Variants in IL2RA observed in about 807,000 individuals in gnomAD.
IL2RA encodes the protein interleukin-2 receptor subunit alpha.
In IL2RA, 24 loss-of-function variants were observed where a neutral mutation model predicts 37.8. That is an observed-to-expected ratio of 0.63 (90% CI 0.46 to 0.89). The LOEUF (loss-of-function observed/expected upper bound fraction) is 0.89. Ranked by LOEUF, IL2RA falls within the 40% of genes least tolerant of loss-of-function variation. The pLI is 0.00. For synonymous variants in IL2RA, 125 were observed against 114.6 expected, an observed-to-expected ratio of 1.09 and a Z score of -0.58; for missense variants, 319 against 348.6, an observed-to-expected ratio of 0.92 and a Z score of 0.68.
chr10:6,036,343 C>G lies in IL2RA; in HGVS notation c.65-10318G>C, dbSNP rs1055338074. On this transcript the variant is annotated intron_variant, in intron 1 of 7. Transcript: ENST00000379959. This position sits in a 1 kb window ranked among gnomAD's most constrained non-coding sequence, Gnocchi z 6.1. ...GTGTTCGACTCCACTCTCAGTCACTCGTCACTCTTCCCAGAAGGACAAATG... is the reference window on the plus strand; with the variant it reads ...GTGTTCGACTCCACTCTCAGTCACTGGTCACTCTTCCCAGAAGGACAAATG... 6.6e-6 allele frequency: 1 copy of G among 152,168 alleles called. No individual in the cohort carries two copies. Among genetic ancestry groups the G allele is most frequent in the Non-Finnish European group, 1.5e-5 (1 of 68,034 alleles). 9.4% of individuals were successfully genotyped at this position (152,168 alleles called of 1,614,324 possible).
At chr10:6,049,903 T>G (rs1287623827) in intron 1 of IL2RA, among the ~76,000 whole-genome samples, 3 of 152,182 alleles carry the variant, frequency 2.0e-5, no homozygotes, top group African/African-American at 7.2e-5. Context: ...GGAAGATTGT[T>G]CCAGTAAGGG....
rs756444069 is a variant in IL2RA, at chr10:6,025,869, G to A, written c.221C>T (p.Ser74Leu). 9.4e-5 allele frequency: 151 copies of A among 1,614,086 alleles called. 4 individuals are homozygous for A. The South Asian group carries it at 1.2e-3, about 13-fold the overall frequency. ...GCATTGACATTGGTTGTCCCAGGAC[G>A]AGTGGCTAGAGTTTCCTGTACAGAG... ...YMLCTGNSSH[S>L]SWDNQCQCTS... Residue 74 changes from serine to leucine, a missense_variant, in exon 2 of 8, where the codon TCG becomes TTG. Transcript: ENST00000379959. The surrounding 1 kb of genome is among the most constrained non-coding windows in gnomAD (Gnocchi z 4.4).
At chr10:6,019,536 C>G (rs28360489) in intron 5 of IL2RA, 37 bp from the exon 6 acceptor site, 121 of 1,500,724 alleles carry the variant, frequency 8.1e-5, no homozygotes, top group Non-Finnish European at 1.1e-4. Flanking sequence ...CTCCTGCTAC[C>G]GTGACTTTAG....
At position 6,028,641 on chromosome 10, in the gene IL2RA, A is replaced by G. The variant is rs1839520756; in HGVS notation, c.65-2616T>C. The stretch of plus-strand genomic sequence containing the variant: ...TATCCAGCAAATTAAAAGAAAATCT[A>G]GACATGTGAAGAAACAGGAAAATGT... On this transcript the variant is annotated intron_variant, in intron 1 of 7. Transcript: ENST00000379959. The surrounding 1 kb of genome is among the most constrained non-coding windows in gnomAD (Gnocchi z 4.1). Among the ~76,000 whole-genome samples, 1 of 152,230 alleles carries G rather than the reference A, an allele frequency of 6.6e-6. No homozygotes were observed. Among genetic ancestry groups the G allele is most frequent in the South Asian group, 2.1e-4 (1 of 4,828 alleles).
Position 6,012,752 on chromosome 10 carries a change from A to T in IL2RA, c.*120T>A. The T allele has an allele frequency of 9.6e-7, 1 of 1,040,556 alleles. No individual in the cohort carries two copies. Among genetic ancestry groups the T allele is most frequent in the Non-Finnish European group, 1.5e-6 (1 of 659,990 alleles). 64.5% of individuals were successfully genotyped at this position (1,040,556 alleles called of 1,614,324 possible). ...TGTGACTTCAGAGCTTCCAAAACGCAGGCAAGCACAACGGATGTCTCCTGG... is the reference window on the plus strand; with the variant it reads ...TGTGACTTCAGAGCTTCCAAAACGCTGGCAAGCACAACGGATGTCTCCTGG... On this transcript the variant is annotated 3_prime_UTR_variant, in exon 8 of 8. Transcript: ENST00000379959. The surrounding 1 kb of genome is among the most constrained non-coding windows in gnomAD (Gnocchi z 4.8).
Position 6,012,599 on chromosome 10 carries a change from G to A in IL2RA, c.*273C>T, listed in dbSNP as rs1467188803. 2 of 567,604 alleles carry A rather than the reference G, an allele frequency of 3.5e-6. No individual in the cohort carries two copies. The highest frequency in any genetic ancestry group is 6.3e-6 in the Non-Finnish European group (2 of 316,566). The allele number at this position is 567,604 out of a possible 1,614,324, so 35.2% of individuals were successfully genotyped here. A position where few individuals can be genotyped will look rare whatever the true frequency, so the allele number is the denominator to read the frequency against. ...GAACACATATACATGAAAATAAGATGGAGAGTTCTAGTGGTTTTGCCCTTC... is the reference window on the plus strand; with the variant it reads ...GAACACATATACATGAAAATAAGATAGAGAGTTCTAGTGGTTTTGCCCTTC... On this transcript the variant is annotated 3_prime_UTR_variant, in exon 8 of 8. Transcript: ENST00000379959. The surrounding 1 kb of genome is among the most constrained non-coding windows in gnomAD (Gnocchi z 4.8).
Position 6,020,944 on chromosome 10 carries a change from T to A in IL2RA, c.583+534A>T, listed in dbSNP as rs894635865. On this transcript the variant is annotated intron_variant, in intron 4 of 7. Transcript: ENST00000379959. The surrounding 1 kb of genome is among the most constrained non-coding windows in gnomAD (Gnocchi z 5.6). ...ATTTGCATGAGTATGTGTGTGTGTG[T>A]GTGTGTGTGCGCGCATGTGCACTGA... Among the ~76,000 whole-genome samples, 1 of 144,136 alleles carries A rather than the reference T, an allele frequency of 6.9e-6. No homozygotes were observed. Among genetic ancestry groups the A allele is most frequent in the Non-Finnish European group, 1.6e-5 (1 of 64,370 alleles). 94.6% of individuals were successfully genotyped at this position (144,136 alleles called of 152,430 possible). A position where few individuals can be genotyped will look rare whatever the true frequency, so the allele number is the denominator to read the frequency against.
At position 6,029,991 on chromosome 10, in the gene IL2RA, C is replaced by A. The variant is rs1183894151; in HGVS notation, c.65-3966G>T. On this transcript the variant is annotated intron_variant, in intron 1 of 7. Coordinates refer to ENST00000379959, the MANE Select transcript of IL2RA (RefSeq NM_000417.3). The surrounding 1 kb of genome is among the most constrained non-coding windows in gnomAD (Gnocchi z 4.6). The stretch of plus-strand genomic sequence containing the variant: ...AAGTGCTGGGATTACAGGTGTGAGC[C>A]ACCGTGCCCAGCCAATATTTTTAAA... Among the ~76,000 whole-genome samples, 1 of 152,176 alleles carries A rather than the reference C, an allele frequency of 6.6e-6. No individual in the cohort carries two copies. Among genetic ancestry groups the A allele is most frequent in the Admixed American group, 6.5e-5 (1 of 15,272 alleles).
intron 1 of IL2RA, among the ~76,000 whole-genome samples, chr10:6,027,325 CA>C (rs199509416): frequency 0.15 from 21,161 of 138,822 alleles, 1,532 homozygotes; most frequent in African/African-American, 0.16. Flanking sequence ...GACTCTGTCT[CA>C]AAAAAAAAAA....
rs1273904320 is a variant in IL2RA at position 6,021,758 on chromosome 10, C to T, written c.368-65G>A. Reference sequence around the variant, plus strand: ...CAGCACCGCGAGTGAGTCCAGGTTGCCTCTTGCTAGGGACTGGACCTTGGT... The same window carrying T: ...CAGCACCGCGAGTGAGTCCAGGTTGTCTCTTGCTAGGGACTGGACCTTGGT... On this transcript the variant is annotated intron_variant, in intron 3 of 7. Coordinates refer to ENST00000379959, the MANE Select transcript of IL2RA (RefSeq NM_000417.3). This position sits in a 1 kb window ranked among gnomAD's most constrained non-coding sequence, Gnocchi z 4.9. 7.4e-7 allele frequency: 1 copy of T among 1,359,680 alleles called. No individual in the cohort carries two copies. Among genetic ancestry groups the T allele is most frequent in the Non-Finnish European group, 1.0e-6 (1 of 953,034 alleles). The allele number at this position is 1,359,680 out of a possible 1,614,324, so 84.2% of individuals were successfully genotyped here.
intron 7 of IL2RA, 144 bp downstream of exon 7, chr10:6,017,909 G>A (rs745450346): frequency 1.5e-5 from 11 of 718,452 alleles, no homozygotes; most frequent in Non-Finnish European, 2.3e-5. Flanking sequence ...GACTCTTTCC[G>A]AGGCATGGAT....
intron 1 of IL2RA, among the ~76,000 whole-genome samples, chr10:6,055,361 G>A (rs1015199015): frequency 6.6e-6 from 1 of 151,820 alleles, no homozygotes. Context: ...GTATTGTGAT[G>A]TTCGGTTCTG....
At position 6,015,258 on chromosome 10, in the gene IL2RA, A is replaced by G. The variant is rs1339146858; in HGVS notation, c.795-2362T>C. On this transcript the variant is annotated intron_variant, in intron 7 of 7. Transcript: ENST00000379959. The surrounding 1 kb of genome is among the most constrained non-coding windows in gnomAD (Gnocchi z 4.9). The stretch of plus-strand genomic sequence containing the variant: ...TAGGTGCGCACCATGACAGCCAGCT[A>G]ATTTTTGTATTTTTAGAAGAGACAG... 1.3e-5 allele frequency among the ~76,000 whole-genome samples: 2 copies of G among 151,904 alleles called. No homozygotes were observed. Among genetic ancestry groups the G allele is most frequent in the Non-Finnish European group, 2.9e-5 (2 of 67,960 alleles).
intron 1 of IL2RA, among the ~76,000 whole-genome samples, chr10:6,042,578 T>A (rs1279149673): frequency 6.6e-6 from 1 of 152,136 alleles, no homozygotes; most frequent in Non-Finnish European, 1.5e-5. Context: ...AATAAAATTG[T>A]CATTTATAAG....
rs901347782 is a variant in IL2RA at position 6,054,288 on chromosome 10, G to T, written c.64+7800C>A. ...CAGCCCTGTGGTGTGCACGTGGCTC[G>T]GGCTGGGTCAGGAAAAAAATGTGGA... On this transcript the variant is annotated intron_variant, in intron 1 of 7. Transcript: ENST00000379959. The surrounding 1 kb of genome is among the most constrained non-coding windows in gnomAD (Gnocchi z 4.5). Among the ~76,000 whole-genome samples, 1 of 152,146 alleles carries T rather than the reference G, an allele frequency of 6.6e-6. No homozygotes were observed. The highest frequency in any genetic ancestry group is 1.9e-4 in the East Asian group (1 of 5,188).
chr10:6,016,246 T>C (rs1177706217), intron 7 of IL2RA, among the ~76,000 whole-genome samples: 1 of 152,222 alleles, frequency 6.6e-6, no homozygotes, highest in African/African-American at 2.4e-5. Flanking sequence ...TCTCTTGCCC[T>C]TCTGCCTTCT....
At chr10:6,052,692 A>G (rs984427599) in intron 1 of IL2RA, among the ~76,000 whole-genome samples, 2 of 152,020 alleles carry the variant, frequency 1.3e-5, no homozygotes, top group African/African-American at 4.8e-5. Flanking sequence ...TTGTTTTTTT[A>G]TTGCTGAGAG....
chr10:6,048,792 GA>G lies in IL2RA; in HGVS notation c.64+13295del, dbSNP rs1839904507. On this transcript the variant is annotated intron_variant, in intron 1 of 7. Coordinates refer to ENST00000379959, the MANE Select transcript of IL2RA (RefSeq NM_000417.3). The surrounding 1 kb of genome is among the most constrained non-coding windows in gnomAD (Gnocchi z 5.3). ...AAAGTACAAGCCATGCCCTGACTGAGACCCCTCTGGGATGTTCTGTTCCTTC... is the reference window on the plus strand; with the variant it reads ...AAAGTACAAGCCATGCCCTGACTGAGCCCCTCTGGGATGTTCTGTTCCTTC... 6.6e-6 allele frequency among the ~76,000 whole-genome samples: 1 copy of G among 152,180 alleles called. No homozygotes were observed.
rs575663406 is a variant in IL2RA, at chr10:6,012,822, T to G, written c.*50A>C. ...GATTTCACTTGGGCTTCATGACTTCTGTTGTCTGTTCCCGGCTTCTTACCA... is the reference window on the plus strand; with the variant it reads ...GATTTCACTTGGGCTTCATGACTTCGGTTGTCTGTTCCCGGCTTCTTACCA... On this transcript the variant is annotated 3_prime_UTR_variant, in exon 8 of 8. Transcript: ENST00000379959. The surrounding 1 kb of genome is among the most constrained non-coding windows in gnomAD (Gnocchi z 4.8). 2.5e-6 allele frequency: 4 copies of G among 1,587,518 alleles called. No homozygotes were observed. The highest frequency in any genetic ancestry group is 3.5e-6 in the Non-Finnish European group (4 of 1,155,672).
Sources: gnomAD v4.1 joint callset for allele counts (sites outside exome capture counted in the v4.1 genomes callset) on GRCh38, gnomAD v4.1.1 for gene constraint, Gnocchi (gnomAD v3.1) non-coding constraint, MANE v1.5 for transcripts, NCBI Gene and HGNC (gene_info 2026-07-23, HGNC 2026-07-21) for gene names.